The following TTLL5 variants were observed in gnomAD, a reference collection of about 807,000 sequenced individuals.
The protein encoded by TTLL5 is tubulin polyglutamylase TTLL5.
A neutral mutation model predicts 168.4 loss-of-function variants in TTLL5; 132 were observed. That is an observed-to-expected ratio of 0.78 (90% confidence interval 0.68 to 0.91). The LOEUF is 0.91. Among genes scored for constraint, TTLL5 ranks in the 40% least tolerant of loss-of-function variants. The probability of loss-of-function intolerance (pLI) is 0.00; values close to 1 mark genes in which losing one functional copy is unlikely to be tolerated. For synonymous variants in TTLL5, 546 were observed against 558.6 expected (o/e 0.98, Z 0.32); for missense variants, 1,545 against 1,581.5 (o/e 0.98, Z 0.39).
At chr14:75,833,605 G>A in intron 28 of TTLL5, among the ~76,000 whole-genome samples, 1 of 152,126 alleles carries the variant, frequency 6.6e-6, no homozygotes, top group Admixed American at 6.5e-5. Context: ...TCCTAGGGAT[G>A]TTCTCAGGAG....
intron 31 of TTLL5, among the ~76,000 whole-genome samples, chr14:75,904,539 C>G (rs1276908383): frequency 6.6e-6 from 1 of 152,170 alleles, no homozygotes; most frequent in African/African-American, 2.4e-5. Flanking sequence ...ATACTTGCAG[C>G]ATCTTGACCG....
chr14:75,696,999 G>A (rs1197373913), intron 6 of TTLL5, among the ~76,000 whole-genome samples: 1 of 152,144 alleles, frequency 6.6e-6, no homozygotes, highest in African/African-American at 2.4e-5. Flanking sequence ...GCCAGTTTTT[G>A]TGTGTCCCAC....
At chr14:75,702,099 C>T (rs540408898) in intron 7 of TTLL5, among the ~76,000 whole-genome samples, 9 of 152,216 alleles carry the variant, frequency 5.9e-5, no homozygotes, top group African/African-American at 1.9e-4. Flanking sequence ...AAAACAGTAC[C>T]GTAAACAATG....
intron 5 of TTLL5, among the ~76,000 whole-genome samples, chr14:75,686,705 C>T (rs1229166587): frequency 5.9e-5 from 9 of 152,228 alleles, no homozygotes; most frequent in Admixed American, 5.2e-4. Flanking sequence ...TTAGAATTAA[C>T]TCAGAATTTT....
chr14:75,857,514 A>G (rs1369806225), intron 28 of TTLL5, among the ~76,000 whole-genome samples: 78 of 151,976 alleles, frequency 5.1e-4, no homozygotes, highest in Admixed American at 5.1e-3. Flanking sequence ...TTTTTTTTGT[A>G]CTATCTTTGT....
At chr14:75,840,072 A>T (rs1479799502) in intron 28 of TTLL5, among the ~76,000 whole-genome samples, 2 of 152,154 alleles carry the variant, frequency 1.3e-5, no homozygotes, top group Admixed American at 1.3e-4. Context: ...AAGTTTGATG[A>T]AGTCTAATTT....
chr14:75,934,047 C>T (rs1391558868), intron 31 of TTLL5, among the ~76,000 whole-genome samples: 4 of 152,204 alleles, frequency 2.6e-5, no homozygotes. Context: ...GTTATGGCAG[C>T]CCTATCAAGC....
At chr14:75,768,516 G>A (rs1242704453) in intron 20 of TTLL5, among the ~76,000 whole-genome samples, 1 of 151,926 alleles carries the variant, frequency 6.6e-6, no homozygotes. Flanking sequence ...TTTGAGAAGA[G>A]GTTCTGGAGG....
intron 27 of TTLL5, among the ~76,000 whole-genome samples, chr14:75,801,098 G>A (rs552766452): frequency 3.3e-5 from 5 of 152,068 alleles, no homozygotes; most frequent in African/African-American, 1.2e-4. Context: ...AAGATATTAC[G>A]TCTTTTTTCT....
At chr14:75,836,990 T>C (rs1380140369) in intron 28 of TTLL5, among the ~76,000 whole-genome samples, 1 of 152,254 alleles carries the variant, frequency 6.6e-6, no homozygotes, top group Non-Finnish European at 1.5e-5. Flanking sequence ...AACAAATTAC[T>C]GTAACATTTA....
At chr14:75,864,008 CT>C in intron 29 of TTLL5, 146 bp downstream of exon 29, 1 of 783,734 alleles carries the variant, frequency 1.3e-6, no homozygotes, top group Non-Finnish European at 1.8e-6. Flanking sequence ...CATGGGGAGT[CT>C]ACTCTTGAGG....
chr14:75,738,606 T>C (rs1387009627), intron 15 of TTLL5, among the ~76,000 whole-genome samples: 1 of 152,208 alleles, frequency 6.6e-6, no homozygotes, highest in Non-Finnish European at 1.5e-5. Flanking sequence ...TAGTATTTTA[T>C]ATTTAGTAAA....
chr14:75,891,995 AG>A (rs1278143832), intron 30 of TTLL5, among the ~76,000 whole-genome samples: 3 of 152,194 alleles, frequency 2.0e-5, no homozygotes, highest in Admixed American at 6.5e-5. Flanking sequence ...TCCTACTAAA[AG>A]AAATCACATT....
At chr14:75,661,674 C>G (rs1431934807) in intron 1 of TTLL5, 1 of 152,306 alleles carries the variant, frequency 6.6e-6, no homozygotes, top group African/African-American at 2.4e-5. Flanking sequence ...AGACCTGTTT[C>G]TCCCCGCTCT....
chr14:75,772,023 A>G (rs1226962075), intron 21 of TTLL5, among the ~76,000 whole-genome samples, 169 bp downstream of exon 21: 1 of 151,692 alleles, frequency 6.6e-6, no homozygotes, highest in Non-Finnish European at 1.5e-5. Flanking sequence ...AGATTTATAT[A>G]TACTTATTTC....
chr14:75,727,891 A>G (rs549356187), intron 12 of TTLL5: 2 of 482,352 alleles, frequency 4.1e-6, no homozygotes, highest in South Asian at 1.5e-5. Flanking sequence ...AGGAAGCAGC[A>G]CAAGGAGTCC....
chr14:75,746,879 C>T (rs1329588656), intron 17 of TTLL5, among the ~76,000 whole-genome samples: 7 of 152,074 alleles, frequency 4.6e-5, no homozygotes, highest in Admixed American at 6.6e-5. Flanking sequence ...TGATTTTCAG[C>T]AGTTTGATTA....
chr14:75,810,630 G>A (rs971991346), intron 27 of TTLL5, among the ~76,000 whole-genome samples: 2 of 152,168 alleles, frequency 1.3e-5, no homozygotes, highest in African/African-American at 4.8e-5. Context: ...GCCCCTCAAA[G>A]CACTGTGATT....
At chr14:75,928,980 G>T (rs1268616916) in intron 31 of TTLL5, among the ~76,000 whole-genome samples, 1 of 152,054 alleles carries the variant, frequency 6.6e-6, no homozygotes, top group African/African-American at 2.4e-5. Flanking sequence ...ATCCCAGGGA[G>T]CTCCTCCTCC....
Sources: gnomAD v4.1 joint callset for allele counts (sites outside exome capture counted in the v4.1 genomes callset) on GRCh38, gnomAD v4.1.1 for gene constraint, MANE v1.5 for transcripts, NCBI Gene and HGNC (gene_info 2026-07-23, HGNC 2026-07-21) for gene names.